TET2: variants seen among roughly 807,000 people sequenced by gnomAD.
TET2 encodes the protein tet methylcytosine dioxygenase 2, also known as methylcytosine dioxygenase TET2.
In TET2, 299 loss-of-function variants were observed where a neutral mutation model predicts 142.9. The observed-to-expected ratio is 2.09, with a 90% CI of 1.90 to 2.30. The LOEUF (loss-of-function observed/expected upper bound fraction) is 2.30, where lower values mean the gene tolerates loss of function less well. TET2 is among the 30% of genes most tolerant of loss of function. TET2 has a pLI of 0.00. For synonymous variants in TET2, 819 were observed against 849.0 expected, an observed-to-expected ratio of 0.96 and a Z score of 0.61; for missense variants, 2,418 against 2,378.0, an observed-to-expected ratio of 1.02 and a Z score of -0.35.
At chr4:105,178,291 A>G (rs1380727594) in intron 1 of TET2, among the ~76,000 whole-genome samples, 1 of 152,228 alleles carries the variant, frequency 6.6e-6, no homozygotes, top group African/African-American at 2.4e-5. Flanking sequence ...TCATAAAACG[A>G]CATGGATGAA....
At chr4:105,153,762 T>C (rs1211770604) in intron 1 of TET2, among the ~76,000 whole-genome samples, 2 of 152,326 alleles carry the variant, frequency 1.3e-5, no homozygotes, top group South Asian at 4.1e-4. Context: ...ATCATTATCA[T>C]TGATAGCTGT....
At position 105,236,795 on chromosome 4, in the gene TET2, T is replaced by G. The variant is rs936004453; in HGVS notation, c.2853T>G (p.Ala951=). 5.0e-6 allele frequency: 8 copies of G among 1,613,938 alleles called. No individual in the cohort carries two copies. The highest frequency in any genetic ancestry group is 6.8e-6 in the Non-Finnish European group (8 of 1,180,000). Reference sequence around the variant, plus strand: ...AGAAGGACACTCAAAAGCATGCTGCTCTAAGGTGGCATCTCTTACAGAAGC... The same window carrying G: ...AGAAGGACACTCAAAAGCATGCTGCGCTAAGGTGGCATCTCTTACAGAAGC... The part of the protein sequence containing the change: ...PPQKDTQKHA[A]LRWHLLQKQE... Residue 951 remains alanine (A), a synonymous_variant, in exon 3 of 11, where the codon GCT becomes GCG. Transcript: ENST00000380013.
chr4:105,257,086 A>G (rs1469397213), intron 6 of TET2, among the ~76,000 whole-genome samples: 2 of 152,108 alleles, frequency 1.3e-5, no homozygotes, highest in Non-Finnish European at 2.9e-5. Flanking sequence ...TCTATTGACT[A>G]CTTTATAGGG....
At chr4:105,168,377 G>A (rs1429787532) in intron 1 of TET2, among the ~76,000 whole-genome samples, 1 of 152,058 alleles carries the variant, frequency 6.6e-6, no homozygotes, top group African/African-American at 2.4e-5. Flanking sequence ...CTGGCAACAA[G>A]AAGAGCATCC....
upstream of TET2, chr4:105,146,622 A>G: frequency 6.5e-6 from 1 of 153,444 alleles, no homozygotes; most frequent in South Asian, 2.0e-4. Flanking sequence ...GCCGGGGCGG[A>G]GCGGGAGGAG....
Position 105,272,756 on chromosome 4 carries a change from G to T in TET2, c.4375G>T (p.Glu1459Ter). Residue 1459 changes from glutamate to a stop codon, truncating the protein, a stop_gained, in exon 10 of 11, where the codon GAG (glutamate) becomes TAG (stop). Transcript: ENST00000380013. LOFTEE classifies it high-confidence loss of function. ...SFRRKVRMLAEPVKTCRQRKL... is the reference protein window; with the variant it reads ...SFRRKVRMLA ...TCGGCGAAAAGTCAGGATGTTAGCA[G>T]AGCCAGTCAAGACTTGCCGACAAAG... 1 of 1,551,678 alleles carries T rather than the reference G, an allele frequency of 6.4e-7. No homozygotes were observed. The highest frequency in any genetic ancestry group is 8.7e-7 in the Non-Finnish European group (1 of 1,146,980).
rs571001409 is a variant in TET2 at position 105,275,310 on chromosome 4, C to A, written c.4800C>A (p.Thr1600=). ...CCAGCCCTATGAACTTCTATTCCACCTCATCTCAAGCTGCAGGTTCATATT... is the reference window on the plus strand; with the variant it reads ...CCAGCCCTATGAACTTCTATTCCACATCATCTCAAGCTGCAGGTTCATATT... ...GSTSPMNFYS[T]SSQAAGSYLN... is the part of the protein sequence containing the mutation. Residue 1600 remains threonine (T), a synonymous_variant, in exon 11 of 11, where the codon ACC becomes ACA. Coordinates refer to ENST00000380013, the MANE Select transcript of TET2 (RefSeq NM_001127208.3). 1 of 1,551,926 alleles carries A rather than the reference C, an allele frequency of 6.4e-7. No homozygotes were observed. Among genetic ancestry groups the A allele is most frequent in the African/African-American group, 1.4e-5 (1 of 73,034 alleles).
intron 6 of TET2, among the ~76,000 whole-genome samples, chr4:105,259,107 T>C (rs992493): frequency 0.82 from 124,253 of 152,192 alleles, 51,387 homozygotes; most frequent in African/African-American, 0.94. Context: ...CAAAACAAGC[T>C]ACTGATGGTG....
chr4:105,175,802 A>G (rs1724753214), intron 1 of TET2, among the ~76,000 whole-genome samples: 1 of 152,178 alleles, frequency 6.6e-6, no homozygotes, highest in Admixed American at 6.5e-5. Flanking sequence ...CAAAGATTAA[A>G]AAAATATCGA....
At chr4:105,250,974 G>A (rs1055123374) in intron 6 of TET2, among the ~76,000 whole-genome samples, 1 of 152,070 alleles carries the variant, frequency 6.6e-6, no homozygotes, top group Non-Finnish European at 1.5e-5. Context: ...GAGCCACCAC[G>A]CCTGGCCTGT....
At position 105,276,840 on chromosome 4, in the gene TET2, C is replaced by CCCCCCCCCG; in HGVS notation, c.*329_*330insGCCCCCCCC. On this transcript the variant is annotated 3_prime_UTR_variant, in exon 11 of 11. Transcript: ENST00000380013. The stretch of plus-strand genomic sequence containing the variant: ...GACGAGATGATATGTAAATGTGATC[C>CCCCCCCCCG]CCCCCCCCCGCTTACAACTCTACAC... 1 of 138,734 alleles carries CCCCCCCCCG rather than the reference C, an allele frequency of 7.2e-6. No individual in the cohort carries two copies. Among genetic ancestry groups the CCCCCCCCCG allele is most frequent in the Non-Finnish European group, 1.3e-5 (1 of 77,796 alleles). The allele number at this position is 138,734 out of a possible 1,614,324, so 8.6% of individuals were successfully genotyped here. A position where few individuals can be genotyped will look rare whatever the true frequency, so the allele number is the denominator to read the frequency against.
Position 105,278,925 on chromosome 4 carries a change from C to A in TET2, c.*2406C>A, listed in dbSNP as rs908366533. 1 of 232,736 alleles carries A rather than the reference C, an allele frequency of 4.3e-6. No homozygotes were observed. Among genetic ancestry groups the A allele is most frequent in the African/African-American group, 2.2e-5 (1 of 45,304 alleles). 14.4% of individuals were successfully genotyped at this position (232,736 alleles called of 1,614,324 possible). A position where few individuals can be genotyped will look rare whatever the true frequency, so the allele number is the denominator to read the frequency against. On this transcript the variant is annotated 3_prime_UTR_variant, in exon 11 of 11. Coordinates refer to ENST00000380013, the MANE Select transcript of TET2 (RefSeq NM_001127208.3). ...GGCAAACACCTACAGGTATGGTGTGCAACAGATTGTACAATTACATTTTGG... is the reference window on the plus strand; with the variant it reads ...GGCAAACACCTACAGGTATGGTGTGAAACAGATTGTACAATTACATTTTGG...
At position 105,233,383 on chromosome 4, in the gene TET2, C is replaced by CA. The variant is rs34890297; in HGVS notation, c.-46-496dup. ...TGGGCAAGAGAGTGAGACTCCATCTCAAAAAAAAAAAAAAAAAAGCTACTG... is the reference window on the plus strand; with the variant it reads ...TGGGCAAGAGAGTGAGACTCCATCTCAAAAAAAAAAAAAAAAAAAGCTACTG... On this transcript the variant is annotated intron_variant, in intron 2 of 10. Transcript: ENST00000380013. Among the ~76,000 whole-genome samples, 76 of 76,134 alleles carry CA rather than the reference C, an allele frequency of 1.0e-3. 1 individual carries two copies. The highest frequency in any genetic ancestry group is 8.6e-3 in the Middle Eastern group (1 of 116). 49.9% of individuals were successfully genotyped at this position (76,134 alleles called of 152,430 possible).
intron 6 of TET2, among the ~76,000 whole-genome samples, chr4:105,251,827 C>G: frequency 6.6e-6 from 1 of 152,242 alleles, no homozygotes; most frequent in African/African-American, 2.4e-5. Flanking sequence ...TGAGGAAATT[C>G]TCTACCCCTG....
At position 105,259,666 on chromosome 4, in the gene TET2, CCTT is replaced by C. The variant is rs1730324130; in HGVS notation, c.3854_3856del (p.Phe1285del). On this transcript the variant is annotated inframe_deletion, in exon 7 of 11. Transcript: ENST00000380013. ...CTGGATCCAGAAACCTGTGGTGCCT[CCTT>C]CTCTTTTGGTTGTTCATGGAGCATG... 3.2e-6 allele frequency: 5 copies of C among 1,551,000 alleles called. No homozygotes were observed. Among genetic ancestry groups the C allele is most frequent in the African/African-American group, 1.4e-5 (1 of 72,978 alleles).
At position 105,236,771 on chromosome 4, in the gene TET2, GA is replaced by G; in HGVS notation, c.2831del (p.Lys944ArgfsTer9). ...GAAGTCACACTCAGACCCCTCCCCA[GA>G]AGGACACTCAAAAGCATGCTGCTCT... ...GGSHTQTPPQ[K>X]DTQKHAALRW... On this transcript the variant is annotated frameshift_variant, in exon 3 of 11. Transcript: ENST00000380013. LOFTEE classifies it high-confidence loss of function. The G allele has an allele frequency of 6.2e-7, 1 of 1,614,078 alleles. No individual in the cohort carries two copies. Among genetic ancestry groups the G allele is most frequent in the Non-Finnish European group, 8.5e-7 (1 of 1,180,002 alleles).
intron 4 of TET2, 109 bp from the exon 5 acceptor site, chr4:105,242,725 C>T (rs1180869076): frequency 4.1e-6 from 6 of 1,477,252 alleles, no homozygotes; most frequent in Non-Finnish European, 5.4e-6. Flanking sequence ...GTTCATTTCT[C>T]AGGATGTGGT....
intron 1 of TET2, among the ~76,000 whole-genome samples, chr4:105,164,726 T>C (rs1724063804): frequency 1.3e-5 from 2 of 152,218 alleles, no homozygotes; most frequent in South Asian, 2.1e-4. Context: ...GTTGCCTGAA[T>C]AGGCGCCAGA....
intron 3 of TET2, chr4:105,241,013 G>T: frequency 9.3e-7 from 1 of 1,080,724 alleles, no homozygotes; most frequent in Non-Finnish European, 1.1e-6. Context: ...TCAAAAAATT[G>T]GATTGTAGTT....
Sources: gnomAD v4.1 joint callset for allele counts (sites outside exome capture counted in the v4.1 genomes callset) on GRCh38, gnomAD v4.1.1 for gene constraint, MANE v1.5 for transcripts, NCBI Gene and HGNC (gene_info 2026-07-23, HGNC 2026-07-21) for gene names.